The following AHI1 variants were observed in gnomAD, a reference collection of about 807,000 sequenced individuals.
AHI1 encodes jouberin.
AHI1 carries 123 observed loss-of-function variants against 149.3 expected under a neutral mutation model. The ratio of observed to expected loss-of-function variants is 0.82; its 90% CI spans 0.71 to 0.96. The LOEUF (loss-of-function observed/expected upper bound fraction) is 0.96, where lower values mean the gene tolerates loss of function less well. Among genes scored for constraint, AHI1 ranks in the 40% least tolerant of loss-of-function variants. The pLI, the probability that AHI1 is intolerant of heterozygous loss-of-function variation, is 0.00. For missense variants in AHI1, 1,439 were observed against 1,422.7 expected (o/e 1.01, Z -0.18); for synonymous variants, 475 against 459.8 (o/e 1.03, Z -0.42).
chr6:135,334,850 CT>C (rs1432246795), intron 24 of AHI1, among the ~76,000 whole-genome samples: 1 of 152,146 alleles, frequency 6.6e-6, no homozygotes, highest in Non-Finnish European at 1.5e-5. Flanking sequence ...GCAACATCAC[CT>C]GGAAACTTGT....
At chr6:135,489,103 T>C (rs1228204929) in intron 5 of AHI1, among the ~76,000 whole-genome samples, 1 of 152,220 alleles carries the variant, frequency 6.6e-6, no homozygotes, top group African/African-American at 2.4e-5. Context: ...CTCAAGTTAA[T>C]CATGTCAAAA....
chr6:135,297,395 T>C (rs767954713), intron 27 of AHI1: 2 of 455,788 alleles, frequency 4.4e-6, no homozygotes, highest in African/African-American at 2.0e-5. Context: ...CACATCCAAA[T>C]GCCCTCCCAT....
chr6:135,443,232 T>C (rs750186718), intron 13 of AHI1, among the ~76,000 whole-genome samples: 16 of 152,244 alleles, frequency 1.1e-4, no homozygotes, highest in Non-Finnish European at 1.9e-4. Context: ...TCGGCCCTTA[T>C]TGGTCTCTCA....
At chr6:135,295,264 A>G (rs1782939607) in intron 27 of AHI1, among the ~76,000 whole-genome samples, 1 of 152,232 alleles carries the variant, frequency 6.6e-6, no homozygotes, top group South Asian at 2.1e-4. Flanking sequence ...AGGACTGACC[A>G]TATCAAGTAT....
intron 23 of AHI1, among the ~76,000 whole-genome samples, chr6:135,363,933 G>C (rs1465030378): frequency 6.8e-6 from 1 of 146,716 alleles, no homozygotes; most frequent in Non-Finnish European, 1.5e-5. Context: ...GCGGCTGGCC[G>C]GGCGGGGGGC....
intron 22 of AHI1, among the ~76,000 whole-genome samples, chr6:135,401,839 C>T (rs755665132): frequency 3.3e-5 from 5 of 151,850 alleles, no homozygotes; most frequent in Non-Finnish European, 7.4e-5. Context: ...ATAAACTGAA[C>T]CTCATAAAAA....
At chr6:135,402,406 T>C (rs1424386092) in intron 22 of AHI1, among the ~76,000 whole-genome samples, 3 of 152,150 alleles carry the variant, frequency 2.0e-5, no homozygotes, top group Non-Finnish European at 4.4e-5. Context: ...AGCTAAAAAG[T>C]AGAAACAACC....
intron 26 of AHI1, among the ~76,000 whole-genome samples, chr6:135,314,604 T>C (rs1277350977): frequency 1.3e-5 from 2 of 152,232 alleles, no homozygotes; most frequent in African/African-American, 4.8e-5. Context: ...TACATTGTTG[T>C]AGGCAACCAT....
chr6:135,489,226 T>C (rs1238381118), intron 5 of AHI1, among the ~76,000 whole-genome samples: 1 of 152,186 alleles, frequency 6.6e-6, no homozygotes, highest in Non-Finnish European at 1.5e-5. Flanking sequence ...AAGAAGCCTA[T>C]TCAGTCCTGG....
chr6:135,418,006 A>G (rs977521296), intron 20 of AHI1, among the ~76,000 whole-genome samples: 1 of 135,576 alleles, frequency 7.4e-6, no homozygotes, highest in Non-Finnish European at 1.6e-5. Context: ...CCACAGTTGG[A>G]GTATAATTTT....
rs1322169582 is a variant in AHI1, at chr6:135,390,628, A to T, written c.3109+4148T>A. ...GGCAGTTTGGTATGGTGAGGATAAG[A>T]AGTACTGAGCTAGACATGACTGCCA... On this transcript the variant is annotated intron_variant, in intron 23 of 28. Transcript: ENST00000265602. Among the ~76,000 whole-genome samples, 3 of 151,978 alleles carry T rather than the reference A, an allele frequency of 2.0e-5. No homozygotes were observed. In the East Asian group the frequency reaches 5.8e-4, roughly 29 times the overall value.
intron 28 of AHI1, among the ~76,000 whole-genome samples, chr6:135,287,511 G>A (rs1781833570): frequency 6.6e-6 from 1 of 152,132 alleles, no homozygotes; most frequent in African/African-American, 2.4e-5. Flanking sequence ...CTTGATGAAC[G>A]CTAACAGCAA....
chr6:135,471,491 T>C (rs1319090094), intron 5 of AHI1, among the ~76,000 whole-genome samples: 1 of 152,234 alleles, frequency 6.6e-6, no homozygotes, highest in Admixed American at 6.5e-5. Context: ...TTGTAAATTA[T>C]AAACTTTTGT....
At chr6:135,379,937 A>C (rs1330762580) in intron 23 of AHI1, among the ~76,000 whole-genome samples, 1,987 of 18,008 alleles carry the variant, frequency 0.11, no homozygotes, top group Middle Eastern at 0.12. Context: ...CCCTCCCCCA[A>C]CTCCCTCCCT....
chr6:135,440,402 A>G (rs1029801043), intron 14 of AHI1, among the ~76,000 whole-genome samples: 38 of 152,150 alleles, frequency 2.5e-4, no homozygotes, highest in African/African-American at 8.4e-4. Flanking sequence ...AAACAAAACA[A>G]AACAAAAAAC....
At chr6:135,334,122 A>AC (rs891200310) in intron 24 of AHI1, among the ~76,000 whole-genome samples, 4 of 152,204 alleles carry the variant, frequency 2.6e-5, no homozygotes, top group Non-Finnish European at 5.9e-5. Flanking sequence ...TCCAAGTTAG[A>AC]CTGAACTTGA....
intron 23 of AHI1, among the ~76,000 whole-genome samples, chr6:135,386,937 T>C (rs1474954582): frequency 1.3e-5 from 2 of 152,030 alleles, no homozygotes; most frequent in Admixed American, 6.5e-5. Context: ...TTTTTTCTTT[T>C]TTCTTTTTGA....
In AHI1 at chr6:135,285,419, C is replaced by CAACA. The variant is rs1208431319; in HGVS notation, c.*222_*225dup. 3.4e-6 allele frequency: 2 copies of CAACA among 585,120 alleles called. No homozygotes were observed. The highest frequency in any genetic ancestry group is 3.7e-5 in the African/African-American group (2 of 53,470). The allele number at this position is 585,120 out of a possible 1,614,324, so 36.2% of individuals were successfully genotyped here. A position where few individuals can be genotyped will look rare whatever the true frequency, so the allele number is the denominator to read the frequency against. ...ACAATATAAGTACCAATACTTTGAC[C>CAACA]AACAATAGTCACAATGGTTTATAAC... is the stretch of plus-strand genomic sequence containing the variant. On this transcript the variant is annotated 3_prime_UTR_variant, in exon 29 of 29. Coordinates refer to ENST00000265602, the MANE Select transcript of AHI1 (RefSeq NM_001134831.2).
chr6:135,492,791 A>G (rs1795432337), intron 3 of AHI1: 2 of 985,376 alleles, frequency 2.0e-6, no homozygotes, highest in Non-Finnish European at 2.4e-6. Context: ...TATTTGCACC[A>G]TCTTTCTTTA....
Sources: gnomAD v4.1 joint callset for allele counts (sites outside exome capture counted in the v4.1 genomes callset) on GRCh38, gnomAD v4.1.1 for gene constraint, MANE v1.5 for transcripts, NCBI Gene and HGNC (gene_info 2026-07-23, HGNC 2026-07-21) for gene names.